CGNL1: variants seen among roughly 807,000 people sequenced by gnomAD.
CGNL1 encodes the protein cingulin like 1.
In CGNL1, 132 loss-of-function variants were observed where a neutral mutation model predicts 141.2. The observed-to-expected ratio is 0.93, with a 90% CI of 0.81 to 1.08. CGNL1 has a LOEUF of 1.08. Ranked by LOEUF, CGNL1 falls within the 50% of genes least tolerant of loss-of-function variation. The probability of loss-of-function intolerance (pLI) is 0.00; values close to 1 mark genes in which losing one functional copy is unlikely to be tolerated. For missense variants in CGNL1, 1,870 were observed against 1,588.6 expected, an observed-to-expected ratio of 1.18 and a Z score of -3.01; for synonymous variants, 690 against 622.1, an observed-to-expected ratio of 1.11 and a Z score of -1.63.
chr15:57,379,211 A>G (rs569355352), intron 1 of CGNL1, among the ~76,000 whole-genome samples: 51 of 152,294 alleles, frequency 3.3e-4, no homozygotes, highest in Admixed American at 9.8e-4. Context: ...CTGAACAGCA[A>G]TAGTTACACT....
At position 57,479,340 on chromosome 15, in the gene CGNL1, T is replaced by C. The variant is rs531766979; in HGVS notation, c.2403+17448T>C. Among the ~76,000 whole-genome samples the C allele has an allele frequency of 2.6e-5, 4 of 152,238 alleles. No individual in the cohort carries two copies. The East Asian group carries it at 5.8e-4, about 22-fold the overall frequency. ...GGGAAGAGGCCTGGGGACTGACTAG[T>C]GCCCAGCAATAGAAACAATCAGCAT... On this transcript the variant is annotated intron_variant, in intron 8 of 18. Transcript: ENST00000281282.
chr15:57,471,743 A>G (rs2063584430), intron 8 of CGNL1, among the ~76,000 whole-genome samples: 2 of 152,252 alleles, frequency 1.3e-5, no homozygotes, highest in Admixed American at 6.5e-5. Context: ...TTCGTGTTCA[A>G]TAGTCAGTGT....
intron 8 of CGNL1, among the ~76,000 whole-genome samples, chr15:57,478,485 T>G (rs2063684701): frequency 6.6e-6 from 1 of 152,194 alleles, no homozygotes; most frequent in African/African-American, 2.4e-5. Context: ...CTGGATGGGA[T>G]CCTCTCACTG....
chr15:57,408,180 GAAAAT>G (rs1337682353), intron 1 of CGNL1, among the ~76,000 whole-genome samples: 1 of 152,134 alleles, frequency 6.6e-6, no homozygotes, highest in African/African-American at 2.4e-5. Flanking sequence ...TGCTCAGGAA[GAAAAT>G]AGTCTATCCC....
intron 8 of CGNL1, among the ~76,000 whole-genome samples, chr15:57,502,390 A>G (rs143145602): frequency 6.6e-6 from 1 of 152,278 alleles, no homozygotes; most frequent in East Asian, 1.9e-4. Context: ...CAGAGGCTGA[A>G]TGGCTGCTTA....
chr15:57,538,831 G>A (rs183655435), intron 14 of CGNL1, among the ~76,000 whole-genome samples: 351 of 152,306 alleles, frequency 2.3e-3, no homozygotes, highest in African/African-American at 8.1e-3. Context: ...CTCCTTGTGG[G>A]TCTTCTTCCT....
chr15:57,541,778 T>C (rs549124400), intron 14 of CGNL1, among the ~76,000 whole-genome samples: 1 of 152,288 alleles, frequency 6.6e-6, no homozygotes, highest in South Asian at 2.1e-4. Flanking sequence ...GCTCCTGAGG[T>C]TACTTGCATA....
rs755214008 is a variant in CGNL1, at chr15:57,516,938, C to A, written c.2562C>A (p.Asp854Glu). 1 of 1,614,018 alleles carries A rather than the reference C, an allele frequency of 6.2e-7. No homozygotes were observed. The highest frequency in any genetic ancestry group is 8.5e-7 in the Non-Finnish European group (1 of 1,180,022). ...CTCAGCTTCAAAGGCAGATCGAGGA[C>A]CTGAAAGGCGATGAAGCCAAGGCGA... ...RVAQLQRQIEDLKGDEAKAKE... is the reference protein window; with the variant it reads ...RVAQLQRQIEELKGDEAKAKE... Residue 854 changes from aspartate (D) to glutamate (E), a missense_variant, in exon 9 of 19, where the codon GAC becomes GAA. Physicochemically the swap from Asp to Glu is conservative, Grantham distance 45 (BLOSUM62 2). Transcript: ENST00000281282.
intron 3 of CGNL1, among the ~76,000 whole-genome samples, chr15:57,441,533 TA>T (rs1467297084): frequency 1.3e-5 from 2 of 152,110 alleles, no homozygotes; most frequent in African/African-American, 4.8e-5. Flanking sequence ...CATGTCTGGC[TA>T]ATTTTTGTAT....
chr15:57,403,662 G>C (rs528598469), intron 1 of CGNL1, among the ~76,000 whole-genome samples: 81 of 152,296 alleles, frequency 5.3e-4, no homozygotes, highest in African/African-American at 1.9e-3. Context: ...GAAATAATTA[G>C]AAAAATACTT....
At chr15:57,509,288 C>T (rs2030006409) in intron 8 of CGNL1, among the ~76,000 whole-genome samples, 1 of 152,226 alleles carries the variant, frequency 6.6e-6, no homozygotes, top group African/African-American at 2.4e-5. Flanking sequence ...ATTCCATTCT[C>T]TGGATGTCCC....
intron 1 of CGNL1, among the ~76,000 whole-genome samples, chr15:57,392,649 A>G (rs1342500502): frequency 6.6e-6 from 1 of 152,212 alleles, no homozygotes; most frequent in Non-Finnish European, 1.5e-5. Context: ...CCTTCTGTTC[A>G]TCATCTGTCT....
chr15:57,488,453 A>G (rs546805386), intron 8 of CGNL1, among the ~76,000 whole-genome samples: 1 of 152,218 alleles, frequency 6.6e-6, no homozygotes, highest in South Asian at 2.1e-4. Flanking sequence ...TATCTAAGAA[A>G]CCATTTCCTC....
intron 10 of CGNL1, among the ~76,000 whole-genome samples, chr15:57,521,286 G>C (rs1323619214): frequency 6.6e-6 from 1 of 152,156 alleles, no homozygotes; most frequent in African/African-American, 2.4e-5. Context: ...CTAAACCTTA[G>C]TACATGTTAG....
At chr15:57,527,972 C>T (rs750260366) in intron 12 of CGNL1, among the ~76,000 whole-genome samples, 2 of 152,166 alleles carry the variant, frequency 1.3e-5, no homozygotes, top group Non-Finnish European at 2.9e-5. Context: ...CGACATTTTG[C>T]ATTCAGCTGA....
At chr15:57,386,517 C>T (rs2062485477) in intron 1 of CGNL1, among the ~76,000 whole-genome samples, 1 of 152,156 alleles carries the variant, frequency 6.6e-6, no homozygotes, top group African/African-American at 2.4e-5. Context: ...CAAATAGTTC[C>T]TGCAGCAGGG....
intron 8 of CGNL1, among the ~76,000 whole-genome samples, chr15:57,504,228 C>T (rs2064068824): frequency 6.6e-6 from 1 of 152,212 alleles, no homozygotes; most frequent in Non-Finnish European, 1.5e-5. Flanking sequence ...ATTTCATCCT[C>T]ACCACCACCC....
chr15:57,441,217 C>G (rs1185408400), intron 3 of CGNL1, among the ~76,000 whole-genome samples: 1 of 150,202 alleles, frequency 6.7e-6, no homozygotes, highest in Non-Finnish European at 1.5e-5. Context: ...TAGTAAGGCT[C>G]AAAATATAAA....
At chr15:57,487,250 A>T (rs112478559) in intron 8 of CGNL1, among the ~76,000 whole-genome samples, 3 of 152,184 alleles carry the variant, frequency 2.0e-5, no homozygotes, top group South Asian at 2.1e-4. Context: ...TTTTTCCAAG[A>T]TGGTAAATGA....
Sources: gnomAD v4.1 joint callset for allele counts (sites outside exome capture counted in the v4.1 genomes callset) on GRCh38, gnomAD v4.1.1 for gene constraint, MANE v1.5 for transcripts, NCBI Gene and HGNC (gene_info 2026-07-23, HGNC 2026-07-21) for gene names.